The following CCDC25 variants were observed in gnomAD, a reference collection of about 807,000 sequenced individuals.
CCDC25 encodes coiled-coil domain containing 25, also known as coiled-coil domain-containing protein 25.
Under a neutral mutation model 35.3 loss-of-function variants are expected in CCDC25, and 16 were observed. The observed-to-expected ratio is 0.45, with a 90% CI of 0.31 to 0.69. The LOEUF is 0.69. CCDC25 is among the 30% of genes least tolerant of loss of function. CCDC25 has a pLI of 0.06. For missense variants in CCDC25, 179 were observed against 250.7 expected (o/e 0.71, Z 1.93); for synonymous variants, 79 against 80.3 (o/e 0.98, Z 0.09).
At chr8:27,751,470 T>C (rs1450893435) in intron 5 of CCDC25, among the ~76,000 whole-genome samples, 1 of 152,202 alleles carries the variant, frequency 6.6e-6, no homozygotes, top group East Asian at 1.9e-4. Flanking sequence ...TCAGGCAGCC[T>C]AAGTGAAGGT....
chr8:27,762,560 T>C, intron 2 of CCDC25, 102 bp from the exon 3 acceptor site: 2 of 982,670 alleles, frequency 2.0e-6, no homozygotes, highest in South Asian at 1.5e-5. Flanking sequence ...CACAAATTTC[T>C]CTCTCCCTCA....
chr8:27,764,838 CATTTT>C (rs1804346077), intron 2 of CCDC25, among the ~76,000 whole-genome samples: 1 of 152,152 alleles, frequency 6.6e-6, no homozygotes, highest in Non-Finnish European at 1.5e-5. Flanking sequence ...CATGTTACTT[CATTTT>C]GTCTATACTT....
intron 4 of CCDC25, chr8:27,754,689 G>C (rs1373155769): frequency 1.3e-5 from 2 of 151,830 alleles, no homozygotes; most frequent in African/African-American, 4.8e-5. Flanking sequence ...GTAGTGACAG[G>C]GTCTCCCTAT....
At chr8:27,772,448 A>T in intron 1 of CCDC25, 65 bp downstream of exon 1, 3 of 1,494,642 alleles carry the variant, frequency 2.0e-6, no homozygotes, top group Non-Finnish European at 2.7e-6. Flanking sequence ...GCAGCGGCGG[A>T]CTGCGGGTCC....
At chr8:27,748,822 A>G (rs1261634285) in intron 5 of CCDC25, among the ~76,000 whole-genome samples, 1 of 152,250 alleles carries the variant, frequency 6.6e-6, no homozygotes, top group East Asian at 1.9e-4. Flanking sequence ...GTAGGAGTCC[A>G]TGGATTAGCT....
intron 3 of CCDC25, 60 bp downstream of exon 3, chr8:27,762,359 G>A (rs1415703345): frequency 6.8e-7 from 1 of 1,460,556 alleles, no homozygotes; most frequent in Non-Finnish European, 9.6e-7. Context: ...TTGAATGCTT[G>A]GCCAAGTCTA....
rs1390969965 is a variant in CCDC25 at position 27,765,190 on chromosome 8, T to G, written c.76+14A>C. 1 of 1,504,396 alleles carries G rather than the reference T, an allele frequency of 6.6e-7. No homozygotes were observed. Among genetic ancestry groups the G allele is most frequent in the Non-Finnish European group, 9.0e-7 (1 of 1,111,304 alleles). 93.2% of individuals were successfully genotyped at this position (1,504,396 alleles called of 1,614,324 possible). ...TGCTGAAAATTTCAAAATCAAATGC[T>G]TTTGAAAACTTACTTTCATATTTAT... is the stretch of plus-strand genomic sequence containing the variant. On this transcript the variant is annotated intron_variant, in intron 2 of 8. Transcript: ENST00000356537.
At chr8:27,770,778 C>T (rs568375788) in intron 1 of CCDC25, among the ~76,000 whole-genome samples, 1 of 151,732 alleles carries the variant, frequency 6.6e-6, no homozygotes, top group Non-Finnish European at 1.5e-5. Flanking sequence ...AAAAAACTCA[C>T]CTTTAACAAG....
intron 5 of CCDC25, among the ~76,000 whole-genome samples, chr8:27,750,526 G>A (rs1803762284): frequency 6.6e-6 from 1 of 152,146 alleles, no homozygotes; most frequent in Non-Finnish European, 1.5e-5. Context: ...CTTGAATCTG[G>A]ACTCTGATGA....
chr8:27,767,232 G>A (rs564252164), intron 1 of CCDC25, among the ~76,000 whole-genome samples: 113 of 152,244 alleles, frequency 7.4e-4, no homozygotes, highest in African/African-American at 2.6e-3. Flanking sequence ...CAGGTGTGGT[G>A]GCACACGCCA....
intron 1 of CCDC25, among the ~76,000 whole-genome samples, chr8:27,767,920 T>C (rs563405873): frequency 3.3e-5 from 5 of 152,162 alleles, no homozygotes; most frequent in African/African-American, 1.2e-4. Flanking sequence ...ATGTCAGAAT[T>C]TGTAGTCACA....
chr8:27,764,774 C>T (rs1443855599), intron 2 of CCDC25, among the ~76,000 whole-genome samples: 2 of 152,198 alleles, frequency 1.3e-5, no homozygotes, highest in African/African-American at 4.8e-5. Context: ...GCCTTCTCAG[C>T]TTTCAATCAC....
At chr8:27,750,202 C>T (rs1803748576) in intron 5 of CCDC25, among the ~76,000 whole-genome samples, 1 of 152,098 alleles carries the variant, frequency 6.6e-6, no homozygotes, top group South Asian at 2.1e-4. Flanking sequence ...AAAGTGGGGC[C>T]ACTCAAAGCT....
chr8:27,756,417 C>G, intron 4 of CCDC25: 1 of 280,966 alleles, frequency 3.6e-6, no homozygotes, highest in Non-Finnish European at 6.8e-6. Flanking sequence ...GACAGAAAGT[C>G]TGGGAGTGTC....
At chr8:27,772,221 C>T (rs1841312) in intron 1 of CCDC25, among the ~76,000 whole-genome samples, 8,800 of 152,298 alleles carry the variant, frequency 0.058, 350 homozygotes, top group Non-Finnish European at 0.087. Context: ...AGGCTCTGCC[C>T]AATCCCAGGG....
chr8:27,758,056 A>G (rs1804079983), intron 3 of CCDC25, among the ~76,000 whole-genome samples: 1 of 152,182 alleles, frequency 6.6e-6, no homozygotes, highest in African/African-American at 2.4e-5. Context: ...CTGCCAAACC[A>G]TGAGCCAATT....
chr8:27,772,637 A>G lies in CCDC25; in HGVS notation c.-97T>C. On this transcript the variant is annotated 5_prime_UTR_variant, in exon 1 of 9. Coordinates refer to ENST00000356537, the MANE Select transcript of CCDC25 (RefSeq NM_018246.3). ...CTCGCGGCGGCCGCCTGGCCCCCGG[A>G]ACTCCTCCGTGCACTTCCGGCGGAC... is the stretch of plus-strand genomic sequence containing the variant. The G allele has an allele frequency of 8.2e-7, 1 of 1,225,604 alleles. No homozygotes were observed. Among genetic ancestry groups the G allele is most frequent in the Non-Finnish European group, 1.2e-6 (1 of 864,270 alleles). The allele number at this position is 1,225,604 out of a possible 1,614,324, so 75.9% of individuals were successfully genotyped here. A position where few individuals can be genotyped will look rare whatever the true frequency, so the allele number is the denominator to read the frequency against.
At chr8:27,760,655 GCTTA>G (rs1211865589) in intron 3 of CCDC25, among the ~76,000 whole-genome samples, 1 of 152,190 alleles carries the variant, frequency 6.6e-6, no homozygotes, top group African/African-American at 2.4e-5. Context: ...TCCTCATACA[GCTTA>G]CTGTCTCAGG....
At chr8:27,741,997 T>C (rs17477221) in intron 7 of CCDC25, among the ~76,000 whole-genome samples, 32,028 of 152,076 alleles carry the variant, frequency 0.21, 4,345 homozygotes, top group Middle Eastern at 0.33. Flanking sequence ...AGGGCATGAA[T>C]CCCTGGAGTT....
Sources: gnomAD v4.1 joint callset for allele counts (sites outside exome capture counted in the v4.1 genomes callset) on GRCh38, gnomAD v4.1.1 for gene constraint, MANE v1.5 for transcripts, NCBI Gene and HGNC (gene_info 2026-07-23, HGNC 2026-07-21) for gene names.